The following CACNA2D3 variants were observed in gnomAD, a reference collection of about 807,000 sequenced individuals.
The protein encoded by CACNA2D3 is voltage-dependent calcium channel subunit alpha-2/delta-3.
Under a neutral mutation model 160.6 loss-of-function variants are expected in CACNA2D3, and 60 were observed. The ratio of observed to expected loss-of-function variants is 0.37; its 90% confidence interval spans 0.30 to 0.46. The LOEUF (loss-of-function observed/expected upper bound fraction) is 0.46. Among genes scored for constraint, CACNA2D3 ranks in the 20% least tolerant of loss-of-function variants. CACNA2D3 has a pLI of 1.00. For synonymous variants in CACNA2D3, 558 were observed against 492.9 expected (o/e 1.13, Z -1.75); for missense variants, 1,205 against 1,365.0 (o/e 0.88, Z 1.85).
intron 2 of CACNA2D3, among the ~76,000 whole-genome samples, chr3:54,272,574 A>G (rs187748833): frequency 6.6e-6 from 1 of 151,970 alleles, no homozygotes; most frequent in Non-Finnish European, 1.5e-5. Flanking sequence ...CCCAGGGATG[A>G]GTGATGAGGA....
At chr3:54,552,056 T>C (rs1702167067) in intron 5 of CACNA2D3, among the ~76,000 whole-genome samples, 1 of 152,238 alleles carries the variant, frequency 6.6e-6, no homozygotes, top group South Asian at 2.1e-4. Flanking sequence ...AAGTTCACTC[T>C]ACAGTATTTT....
chr3:54,635,217 A>T (rs1470529146), intron 10 of CACNA2D3, among the ~76,000 whole-genome samples: 2 of 152,042 alleles, frequency 1.3e-5, no homozygotes, highest in Non-Finnish European at 2.9e-5. Context: ...ACTAAATGGA[A>T]TAAGAAGGAG....
intron 11 of CACNA2D3, among the ~76,000 whole-genome samples, chr3:54,691,207 G>A (rs1700564345): frequency 6.6e-6 from 1 of 152,152 alleles, no homozygotes; most frequent in Admixed American, 6.5e-5. Context: ...CTACGCTGCA[G>A]AGTTTTATGT....
chr3:54,239,376 C>T (rs529829017), intron 2 of CACNA2D3, among the ~76,000 whole-genome samples: 10 of 152,194 alleles, frequency 6.6e-5, no homozygotes, highest in African/African-American at 2.4e-4. Context: ...TGAGCCTAAC[C>T]TTTTTAGCCT....
intron 2 of CACNA2D3, among the ~76,000 whole-genome samples, chr3:54,139,522 C>T (rs1037311754): frequency 5.3e-5 from 8 of 152,200 alleles, no homozygotes; most frequent in African/African-American, 1.7e-4. Context: ...GCCCTTGTAC[C>T]GCAGCCTCAT....
intron 11 of CACNA2D3, among the ~76,000 whole-genome samples, chr3:54,645,407 A>G (rs1575403044): frequency 1.3e-5 from 2 of 152,214 alleles, no homozygotes; most frequent in African/African-American, 2.4e-5. Context: ...TTAGAGTTGT[A>G]GTTTCTCTCA....
In CACNA2D3 at chr3:54,623,774, T is replaced by C. The variant is rs117837192; in HGVS notation, c.964-4013T>C. The stretch of plus-strand genomic sequence containing the variant: ...TGGCTAATGAGCACTTGAAATGAGG[T>C]TAGCACTACTGAGGAACTGTATTTT... On this transcript the variant is annotated intron_variant, in intron 9 of 37. Coordinates refer to ENST00000474759, the MANE Select transcript of CACNA2D3 (RefSeq NM_018398.3). 5.4e-4 allele frequency among the ~76,000 whole-genome samples: 82 copies of C among 152,326 alleles called. 2 individuals are homozygous for C. The East Asian group carries it at 0.015, about 28-fold the overall frequency.
At chr3:54,580,055 G>A (rs1702649179) in intron 8 of CACNA2D3, among the ~76,000 whole-genome samples, 1 of 152,072 alleles carries the variant, frequency 6.6e-6, no homozygotes, top group Admixed American at 6.5e-5. Context: ...TGGCAGTGAG[G>A]TCAGACTGCC....
chr3:54,811,465 CTTTTTTTTTTTTTTTTTTTTTTTTTT>C (rs71096451), intron 13 of CACNA2D3, among the ~76,000 whole-genome samples: 16 of 111,606 alleles, frequency 1.4e-4, no homozygotes, highest in Non-Finnish European at 2.5e-4. Context: ...TCCCTCAGTT[CTTTTTTTTTTTTTTTTTTTTTTTTTT>C]TTTTTTTTTT....
intron 13 of CACNA2D3, among the ~76,000 whole-genome samples, chr3:54,798,581 T>C (rs182362254): frequency 6.6e-6 from 1 of 152,274 alleles, no homozygotes; most frequent in Non-Finnish European, 1.5e-5. Flanking sequence ...TGTCACCTCT[T>C]CCACTACAGC....
intron 27 of CACNA2D3, chr3:54,925,282 C>A: frequency 7.5e-7 from 1 of 1,331,878 alleles, no homozygotes; most frequent in African/African-American, 1.5e-5. Flanking sequence ...CACTTTTCCG[C>A]CTTTGAATTT....
intron 5 of CACNA2D3, among the ~76,000 whole-genome samples, chr3:54,549,893 A>G (rs1358600496): frequency 1.3e-5 from 2 of 152,340 alleles, no homozygotes; most frequent in Middle Eastern, 3.4e-3. Flanking sequence ...TGTCTGGAAG[A>G]TGGAAGGAAG....
chr3:54,606,153 T>G (rs1698614685), intron 9 of CACNA2D3, among the ~76,000 whole-genome samples: 1 of 152,078 alleles, frequency 6.6e-6, no homozygotes, highest in South Asian at 2.1e-4. Flanking sequence ...TTTATATATA[T>G]ATATATATTT....
rs1470174073 is a variant in CACNA2D3 at position 55,073,715 on chromosome 3, G to T, written c.3101-62G>T. On this transcript the variant is annotated intron_variant, in intron 36 of 37. Transcript: ENST00000474759. ...AAGAGAGTTGTCATTGCCAAATTTT[G>T]ACCTCTGAAATGCAGAGTAGAAAAA... The T allele has an allele frequency of 2.8e-6, 4 of 1,420,972 alleles. No homozygotes were observed. The African/African-American group carries it at 5.7e-5, about 20-fold the overall frequency. The allele number at this position is 1,420,972 out of a possible 1,614,324, so 88.0% of individuals were successfully genotyped here. A position where few individuals can be genotyped will look rare whatever the true frequency, so the allele number is the denominator to read the frequency against.
chr3:54,346,821 TCTG>T (rs1051667424), intron 3 of CACNA2D3, among the ~76,000 whole-genome samples: 9 of 152,342 alleles, frequency 5.9e-5, no homozygotes, highest in African/African-American at 1.9e-4. Context: ...GCCCTAAAAA[TCTG>T]CTGTGCTCTT....
chr3:54,861,255 G>C (rs530788421), intron 17 of CACNA2D3, among the ~76,000 whole-genome samples: 1 of 152,134 alleles, frequency 6.6e-6, no homozygotes, highest in African/African-American at 2.4e-5. Context: ...TCCAAGAGGA[G>C]TTGAAATCCT....
chr3:54,645,507 C>T (rs1280888793), intron 11 of CACNA2D3, among the ~76,000 whole-genome samples: 2 of 152,206 alleles, frequency 1.3e-5, no homozygotes, highest in African/African-American at 4.8e-5. Context: ...CATTAGGCAG[C>T]AAATGCATGC....
chr3:55,071,774 A>G (rs983135091), intron 35 of CACNA2D3, among the ~76,000 whole-genome samples: 4 of 152,090 alleles, frequency 2.6e-5, no homozygotes, highest in African/African-American at 9.7e-5. Context: ...TGGATCTTTT[A>G]TGTCATATTT....
intron 12 of CACNA2D3, among the ~76,000 whole-genome samples, chr3:54,760,474 T>A (rs1023521886): frequency 1.1e-4 from 17 of 151,992 alleles, no homozygotes; most frequent in Admixed American, 7.9e-4. Context: ...GAGGTCAGGG[T>A]AAGACATCTG....
Sources: gnomAD v4.1 joint callset for allele counts (sites outside exome capture counted in the v4.1 genomes callset) on GRCh38, gnomAD v4.1.1 for gene constraint, MANE v1.5 for transcripts, NCBI Gene and HGNC (gene_info 2026-07-23, HGNC 2026-07-21) for gene names.